The following TRPM3 variants were observed in gnomAD, a reference collection of about 807,000 sequenced individuals.
The protein encoded by TRPM3 is long transient receptor potential channel 3.
TRPM3 carries 77 observed loss-of-function variants against 181.2 expected under a neutral mutation model. That is an observed-to-expected ratio of 0.42 (90% CI 0.35 to 0.51). TRPM3 has a LOEUF of 0.51. Among genes scored for constraint, TRPM3 ranks in the 20% least tolerant of loss-of-function variants. TRPM3 has a pLI of 0.01. For synonymous variants in TRPM3, 745 were observed against 796.4 expected (o/e 0.94, Z 1.09); for missense variants, 1,759 against 2,196.7 (o/e 0.80, Z 3.98).
At chr9:70,666,218 T>C (rs1410295282) in intron 9 of TRPM3, among the ~76,000 whole-genome samples, 1 of 152,230 alleles carries the variant, frequency 6.6e-6, no homozygotes, top group Non-Finnish European at 1.5e-5. Flanking sequence ...GGCAGAAGCC[T>C]TAGCAAGGTC....
chr9:71,196,162 CGT>C (rs2078340315), intron 1 of TRPM3, among the ~76,000 whole-genome samples: 1 of 106,372 alleles, frequency 9.4e-6, no homozygotes, highest in Admixed American at 9.2e-5. Context: ...TATACACACA[CGT>C]ATATGTGTGT....
intron 6 of TRPM3, chr9:70,809,907 A>G: frequency 1.9e-6 from 1 of 528,098 alleles, no homozygotes; most frequent in Non-Finnish European, 3.9e-6. Flanking sequence ...TTATGGGCCC[A>G]ATGATGGAAA....
chr9:71,194,108 G>C (rs2078195410), intron 1 of TRPM3, among the ~76,000 whole-genome samples: 1 of 151,872 alleles, frequency 6.6e-6, no homozygotes, highest in Non-Finnish European at 1.5e-5. Context: ...ATAATGGGTA[G>C]TTTGAATCAG....
At chr9:70,980,064 C>G (rs887964501) in intron 1 of TRPM3, among the ~76,000 whole-genome samples, 1 of 138,624 alleles carries the variant, frequency 7.2e-6, no homozygotes, top group Non-Finnish European at 1.6e-5. Context: ...CATGCATGTG[C>G]GTGCACACAC....
chr9:70,750,729 C>A (rs968066333), intron 8 of TRPM3, among the ~76,000 whole-genome samples: 2 of 151,972 alleles, frequency 1.3e-5, no homozygotes, highest in African/African-American at 2.4e-5. Context: ...GAAAATGAAA[C>A]GAGAATTGGA....
At chr9:71,105,777 T>C (rs1184898687) in intron 1 of TRPM3, among the ~76,000 whole-genome samples, 5 of 152,174 alleles carry the variant, frequency 3.3e-5, no homozygotes, top group African/African-American at 7.2e-5. Flanking sequence ...GTCAAATCAG[T>C]AAAATATGCA....
intron 25 of TRPM3, among the ~76,000 whole-genome samples, chr9:70,538,316 G>A (rs190525643): frequency 4.9e-4 from 73 of 147,852 alleles, no homozygotes; most frequent in Admixed American, 8.6e-4. Context: ...TTTTAGAGAT[G>A]GGGGGGGTCT....
chr9:70,900,371 C>A (rs913140182), intron 1 of TRPM3, among the ~76,000 whole-genome samples: 24 of 147,006 alleles, frequency 1.6e-4, no homozygotes, highest in Non-Finnish European at 2.7e-4. Context: ...AAACAAACAA[C>A]AAAAAAAAAC....
At chr9:71,060,412 G>A (rs923178994) in intron 1 of TRPM3, among the ~76,000 whole-genome samples, 31 of 152,100 alleles carry the variant, frequency 2.0e-4, no homozygotes, top group African/African-American at 7.0e-4. Context: ...AGATGATGCT[G>A]TAAGATCAAA....
chr9:71,325,626 G>A (rs144875571), intron 1 of TRPM3, among the ~76,000 whole-genome samples: 1 of 152,048 alleles, frequency 6.6e-6, no homozygotes, highest in Non-Finnish European at 1.5e-5. Context: ...TGAAAAAATT[G>A]CTTAGGCAGG....
At chr9:70,758,243 G>A (rs1407015955) in intron 8 of TRPM3, among the ~76,000 whole-genome samples, 2 of 152,036 alleles carry the variant, frequency 1.3e-5, no homozygotes, top group African/African-American at 4.8e-5. Flanking sequence ...GCTACAAAGA[G>A]AATAAAATAC....
chr9:70,529,288 A>G lies in TRPM3; in HGVS notation c.*6665T>C, dbSNP rs1395191606. 1.3e-5 allele frequency: 2 copies of G among 152,242 alleles called. No individual in the cohort carries two copies. The highest frequency in any genetic ancestry group is 4.8e-5 in the African/African-American group (2 of 41,468). The allele number at this position is 152,242 out of a possible 1,614,324, so 9.4% of individuals were successfully genotyped here. On this transcript the variant is annotated 3_prime_UTR_variant, in exon 26 of 26. Coordinates refer to ENST00000677713, the MANE Select transcript of TRPM3 (RefSeq NM_001366145.2). ...TAGATATGCATACCGTGGTCCATCC[A>G]TACACAAAGAAGGAAAAGATGTATA...
chr9:71,141,442 G>A (rs538044934), intron 1 of TRPM3, among the ~76,000 whole-genome samples: 79 of 152,216 alleles, frequency 5.2e-4, no homozygotes, highest in African/African-American at 1.4e-3. Context: ...GATGTAACTC[G>A]CCCTATAATC....
intron 6 of TRPM3, among the ~76,000 whole-genome samples, chr9:70,787,763 C>CTTTTTTTTTTTTTTTTTTTTTTTG (rs2084154820): frequency 1.5e-5 from 1 of 68,558 alleles, no homozygotes; most frequent in Non-Finnish European, 2.6e-5. Flanking sequence ...TTTTTGGATT[C>CTTTTTTTTTTTTTTTTTTTTTTTG]TTTTTTTTTT....
intron 1 of TRPM3, among the ~76,000 whole-genome samples, chr9:71,016,701 T>C (rs998424641): frequency 6.6e-6 from 1 of 152,222 alleles, no homozygotes; most frequent in African/African-American, 2.4e-5. Flanking sequence ...TTGGCTATTG[T>C]GAATAATATT....
intron 5 of TRPM3, among the ~76,000 whole-genome samples, chr9:70,835,465 C>G (rs1269924127): frequency 6.6e-6 from 1 of 152,028 alleles, no homozygotes; most frequent in Non-Finnish European, 1.5e-5. Flanking sequence ...TCCCCACCCC[C>G]TTGCCACCCT....
chr9:71,156,133 G>A (rs1392072386), intron 1 of TRPM3, among the ~76,000 whole-genome samples: 2 of 151,910 alleles, frequency 1.3e-5, no homozygotes, highest in Middle Eastern at 3.2e-3. Flanking sequence ...ACTCTGTTGG[G>A]GTTCTTTGAC....
chr9:70,593,298 T>C (rs892370165), intron 21 of TRPM3, among the ~76,000 whole-genome samples: 2 of 152,234 alleles, frequency 1.3e-5, no homozygotes, highest in African/African-American at 4.8e-5. Context: ...AAGCCAGCTG[T>C]GTTGAAAGTT....
intron 1 of TRPM3, among the ~76,000 whole-genome samples, chr9:71,179,651 T>C (rs1294510667): frequency 6.6e-6 from 1 of 152,148 alleles, no homozygotes; most frequent in Non-Finnish European, 1.5e-5. Context: ...CCATGTTTTT[T>C]CTGAAGGGGC....
Sources: allele counts gnomAD v4.1 joint callset (sites outside exome capture counted in the v4.1 genomes callset), GRCh38; gene constraint gnomAD v4.1.1; transcripts MANE v1.5; gene names NCBI Gene and HGNC (gene_info 2026-07-23, HGNC 2026-07-21).